Variants in NLRP13 observed in about 807,000 individuals in gnomAD.
NLRP13 encodes NLR family pyrin domain containing 13.
A neutral mutation model predicts 94.4 loss-of-function variants in NLRP13; 82 were observed. That is an observed-to-expected ratio of 0.87 (90% CI 0.73 to 1.04). The LOEUF (loss-of-function observed/expected upper bound fraction) is 1.04. Among genes scored for constraint, NLRP13 ranks in the 50% least tolerant of loss-of-function variants. The pLI, the probability that NLRP13 is intolerant of heterozygous loss-of-function variation, is 0.00. For missense variants in NLRP13, 1,426 were observed against 1,230.8 expected, an observed-to-expected ratio of 1.16 and a Z score of -2.37; for synonymous variants, 553 against 464.7, an observed-to-expected ratio of 1.19 and a Z score of -2.45.
In NLRP13 at chr19:55,912,376, T is replaced by G. The variant is rs769712280; in HGVS notation, c.1441A>C (p.Arg481=). ...LADDSWPGQW[R]ALCSLAIEGL... is the part of the protein sequence containing the mutation. The stretch of plus-strand genomic sequence containing the variant: ...TCTATGGCCAGACTGCAGAGGGCCC[T>G]CCATTGTCCTGGCCAGCTGTCATCT... Residue 481 remains arginine, a synonymous_variant, in exon 5 of 11, where the codon AGG becomes CGG. Transcript: ENST00000342929. 1 of 1,614,118 alleles carries G rather than the reference T, an allele frequency of 6.2e-7. No homozygotes were observed. The highest frequency in any genetic ancestry group is 1.1e-5 in the South Asian group (1 of 91,084).
intron 1 of NLRP13, among the ~76,000 whole-genome samples, chr19:55,930,020 G>A (rs897524717): frequency 6.6e-6 from 1 of 152,156 alleles, no homozygotes; most frequent in Admixed American, 6.5e-5. Context: ...GGGAAAAAGG[G>A]TGGAGTGGTG....
At chr19:55,929,343 C>T (rs941159544) in intron 1 of NLRP13, among the ~76,000 whole-genome samples, 1 of 152,170 alleles carries the variant, frequency 6.6e-6, no homozygotes, top group Non-Finnish European at 1.5e-5. Context: ...TATTGCAGCA[C>T]TGTTCACAAT....
downstream of NLRP13, among the ~76,000 whole-genome samples, chr19:55,892,533 T>C (rs1985885279): frequency 1.3e-5 from 2 of 152,260 alleles, no homozygotes; most frequent in South Asian, 4.1e-4. Context: ...GCGATTCTCC[T>C]GCCTTAGGCT....
chr19:55,904,686 A>AT (rs1846813442), intron 8 of NLRP13, among the ~76,000 whole-genome samples: 1 of 152,164 alleles, frequency 6.6e-6, no homozygotes, highest in Admixed American at 6.5e-5. Context: ...AGAAGCTCAC[A>AT]TATGAGTTGA....
At chr19:55,923,014 G>C (rs981188099) in intron 4 of NLRP13, among the ~76,000 whole-genome samples, 1 of 152,120 alleles carries the variant, frequency 6.6e-6, no homozygotes, top group Admixed American at 6.6e-5. Flanking sequence ...GTGATTCTTT[G>C]GGGCTTGTAT....
At chr19:55,896,254 G>A in intron 10 of NLRP13, 135 bp from the exon 11 acceptor site, 1 of 934,874 alleles carries the variant, frequency 1.1e-6, no homozygotes, top group Non-Finnish European at 1.6e-6. Context: ...GCCAGGCACA[G>A]TGGCTCACGC....
rs774101033 is a variant in NLRP13 at position 55,913,260 on chromosome 19, G to A, written c.557C>T (p.Ala186Val). Residue 186 changes from alanine (A) to valine (V), a missense_variant, in exon 5 of 11, where the codon GCT becomes GTT. Physicochemically the swap from Ala to Val is moderately conservative, Grantham distance 64. Transcript: ENST00000342929. ...HRRKYRENMK[A>V]ELLETWDNIS... is the part of the protein sequence containing the mutation. ...GTTGTCCCATGTCTCCAGTAGTTCA[G>A]CCTTCATGTTCTCTCTGTATTTTCT... is the stretch of plus-strand genomic sequence containing the variant. 2 of 1,613,996 alleles carry A rather than the reference G, an allele frequency of 1.2e-6. No homozygotes were observed. Among genetic ancestry groups the A allele is most frequent in the Non-Finnish European group, 1.7e-6 (2 of 1,180,020 alleles).
chr19:55,917,778 A>C (rs952117525), intron 4 of NLRP13, among the ~76,000 whole-genome samples: 21 of 152,106 alleles, frequency 1.4e-4, no homozygotes, highest in Non-Finnish European at 1.3e-4. Context: ...CATAAAACAA[A>C]TATTATTAGA....
chr19:55,931,113 T>C (rs1987121127), intron 1 of NLRP13, among the ~76,000 whole-genome samples: 1 of 151,756 alleles, frequency 6.6e-6, no homozygotes, highest in Non-Finnish European at 1.5e-5. Context: ...TGTCGCAGCT[T>C]GTGAGTTTTT....
At chr19:55,924,779 G>A (rs549458488) in intron 2 of NLRP13, 121 bp from the exon 3 acceptor site, 1 of 891,958 alleles carries the variant, frequency 1.1e-6, no homozygotes. Context: ...GAGACTGGAG[G>A]AATCAGTATG....
At chr19:55,926,368 C>T (rs1470030091) in intron 1 of NLRP13, among the ~76,000 whole-genome samples, 4 of 152,204 alleles carry the variant, frequency 2.6e-5, no homozygotes, top group African/African-American at 9.7e-5. Flanking sequence ...CTTATTCTCC[C>T]TCATGCTTAG....
intron 7 of NLRP13, 57 bp from the exon 8 acceptor site, chr19:55,905,169 C>G: frequency 6.3e-7 from 1 of 1,587,154 alleles, no homozygotes. Flanking sequence ...GTTCCTCTAC[C>G]TTTCTCTCTC....
chr19:55,922,934 G>A (rs1986869265), intron 4 of NLRP13, among the ~76,000 whole-genome samples: 6 of 152,204 alleles, frequency 3.9e-5, no homozygotes, highest in Admixed American at 3.3e-4. Context: ...GTGGGTGGAT[G>A]TCTCTGTAGA....
Position 55,932,145 on chromosome 19 carries a change from G to C in NLRP13, c.167C>G (p.Pro56Arg), listed in dbSNP as rs1486898149. The change falls in exon 1 of 11, where the codon CCC becomes CGC. Residue 56 changes from proline (P) to arginine (R), a missense_variant. Coordinates refer to ENST00000342929, the MANE Select transcript of NLRP13 (RefSeq NM_176810.2). ...SAPQGHFPRI[P>R]WANLRAADPL... ...GTCGGCAGCTCTCAAGTTTGCCCAG[G>C]GGATACGCGGGAAGTGCCCCTGGGG... 4 of 1,614,168 alleles carry C rather than the reference G, an allele frequency of 2.5e-6. No individual in the cohort carries two copies. Among genetic ancestry groups the C allele is most frequent in the Admixed American group, 1.7e-5 (1 of 60,024 alleles).
chr19:55,930,878 A>ATATATATATATATATATATATATATG (rs1987101967), intron 1 of NLRP13, among the ~76,000 whole-genome samples: 1 of 75,066 alleles, frequency 1.3e-5, no homozygotes, highest in African/African-American at 7.2e-5. Flanking sequence ...CAGTGATTAT[A>ATATATATATATATATATATATATATG]TATATATATA....
At position 55,913,268 on chromosome 19, in the gene NLRP13, G is replaced by A. The variant is rs1600270122; in HGVS notation, c.549C>T (p.Asn183=). The A allele has an allele frequency of 1.9e-6, 3 of 1,613,872 alleles. No individual in the cohort carries two copies. The highest frequency in any genetic ancestry group is 1.3e-5 in the African/African-American group (1 of 74,870). The change falls in exon 5 of 11, where the codon AAC becomes AAT. Residue 183 remains asparagine, a synonymous_variant. Coordinates refer to ENST00000342929, the MANE Select transcript of NLRP13 (RefSeq NM_176810.2). ...EADHRRKYRE[N]MKAELLETWD... ...ATGTCTCCAGTAGTTCAGCCTTCAT[G>A]TTCTCTCTGTATTTTCTTCTGTGGT...
At chr19:55,929,815 T>C (rs1172645883) in intron 1 of NLRP13, among the ~76,000 whole-genome samples, 1 of 150,764 alleles carries the variant, frequency 6.6e-6, no homozygotes, top group South Asian at 2.1e-4. Context: ...AAAGATAAAA[T>C]CAGAAATCAA....
rs773858498 is a variant in NLRP13, at chr19:55,912,777, C to T, written c.1040G>A (p.Ser347Asn). The change falls in exon 5 of 11, where the codon AGC becomes AAC. Residue 347 changes from serine (S) to asparagine (N), a missense_variant. Ser to Asn is a conservative substitution (Grantham distance 46, BLOSUM62 1). Coordinates refer to ENST00000342929, the MANE Select transcript of NLRP13 (RefSeq NM_176810.2). ...GGGAACCAATTCTTTCTTCAACAAGCTGTGTAGGATTTTGGTCACTGGGAG... is the reference window on the plus strand; with the variant it reads ...GGGAACCAATTCTTTCTTCAACAAGTTGTGTAGGATTTTGGTCACTGGGAG... ...QELPVTKILH[S>N]LLKKELVPLA... The T allele has an allele frequency of 4.3e-6, 7 of 1,614,150 alleles. No individual in the cohort carries two copies. Among genetic ancestry groups the T allele is most frequent in the African/African-American group, 1.3e-5 (1 of 75,028 alleles).
At chr19:55,894,589 T>C (rs748390719), downstream of NLRP13, among the ~76,000 whole-genome samples, 40 of 152,326 alleles carry the variant, frequency 2.6e-4, no homozygotes, top group Non-Finnish European at 4.9e-4. Flanking sequence ...GTACCGCCTC[T>C]GGCAAGCCCC....
Sources: gnomAD v4.1 joint callset for allele counts (sites outside exome capture counted in the v4.1 genomes callset) on GRCh38, gnomAD v4.1.1 for gene constraint, MANE v1.5 for transcripts, NCBI Gene and HGNC (gene_info 2026-07-23, HGNC 2026-07-21) for gene names.